GALNT17: variants seen among roughly 807,000 people sequenced by gnomAD.
The protein encoded by GALNT17 is UDP-GalNAc:polypeptide N-acetylgalactosaminyltransferase-like 3.
Under a neutral mutation model 63.7 loss-of-function variants are expected in GALNT17, and 29 were observed. That is an observed-to-expected ratio of 0.46 (90% CI 0.34 to 0.62). The LOEUF is 0.62. Among genes scored for constraint, GALNT17 ranks in the 20% least tolerant of loss-of-function variants. GALNT17 has a pLI of 0.01. For missense variants in GALNT17, 603 were observed against 799.6 expected (o/e 0.75, Z 2.97); for synonymous variants, 305 against 318.3 (o/e 0.96, Z 0.45).
intron 1 of GALNT17, among the ~76,000 whole-genome samples, chr7:71,273,040 T>C (rs1402913976): frequency 6.6e-6 from 1 of 151,950 alleles, no homozygotes; most frequent in Non-Finnish European, 1.5e-5. Flanking sequence ...GTAAAAACAC[T>C]CCTGTTATTA....
At chr7:71,413,918 A>G (rs1793477564) in intron 3 of GALNT17, among the ~76,000 whole-genome samples, 1 of 151,826 alleles carries the variant, frequency 6.6e-6, no homozygotes, top group South Asian at 2.1e-4. Flanking sequence ...AATGGTGTCT[A>G]CTGCTATACA....
At chr7:71,408,841 C>G (rs966338678) in intron 3 of GALNT17, among the ~76,000 whole-genome samples, 9 of 152,016 alleles carry the variant, frequency 5.9e-5, no homozygotes, top group Admixed American at 5.9e-4. Context: ...CCACTTCACT[C>G]CAGCCTGGGC....
chr7:71,670,120 C>G lies in GALNT17; in HGVS notation c.1404+11C>G, dbSNP rs769719468. Reference sequence around the variant, plus strand: ...GTTGCTTACGGGGAGGTAATTCAGACCGTGCATGCTTTTGGCTTGGAATGC... The same window carrying G: ...GTTGCTTACGGGGAGGTAATTCAGAGCGTGCATGCTTTTGGCTTGGAATGC... On this transcript the variant is annotated intron_variant, in intron 8 of 10. Transcript: ENST00000333538. 1 of 1,613,898 alleles carries G rather than the reference C, an allele frequency of 6.2e-7. No individual in the cohort carries two copies. The highest frequency in any genetic ancestry group is 8.5e-7 in the Non-Finnish European group (1 of 1,179,896).
chr7:71,531,591 C>T (rs1402639014), intron 5 of GALNT17, among the ~76,000 whole-genome samples: 1 of 152,106 alleles, frequency 6.6e-6, no homozygotes, highest in East Asian at 1.9e-4. Flanking sequence ...ATTTAAATCT[C>T]ACAAACTTTT....
intron 5 of GALNT17, among the ~76,000 whole-genome samples, chr7:71,465,519 T>A (rs1160452141): frequency 6.6e-6 from 1 of 152,208 alleles, no homozygotes; most frequent in Non-Finnish European, 1.5e-5. Context: ...TGTAATTTTC[T>A]ACATGCGTGT....
intron 5 of GALNT17, among the ~76,000 whole-genome samples, chr7:71,562,460 G>T (rs993837105): frequency 2.0e-5 from 3 of 152,190 alleles, no homozygotes; most frequent in African/African-American, 7.2e-5. Context: ...CCCTGAGCTT[G>T]TTCCTGCAAC....
intron 1 of GALNT17, among the ~76,000 whole-genome samples, chr7:71,245,056 C>T (rs1186294490): frequency 6.6e-6 from 1 of 152,160 alleles, no homozygotes; most frequent in African/African-American, 2.4e-5. Flanking sequence ...CACCTAGCCC[C>T]ACTCTAGGAC....
intron 1 of GALNT17, among the ~76,000 whole-genome samples, chr7:71,205,403 C>T (rs145691409): frequency 0.013 from 2,008 of 152,058 alleles, 41 homozygotes; most frequent in African/African-American, 0.046. Flanking sequence ...CCGCCTGCCT[C>T]GGCCTCCCAA....
At chr7:71,556,003 A>G (rs62459955) in intron 5 of GALNT17, among the ~76,000 whole-genome samples, 1 of 152,226 alleles carries the variant, frequency 6.6e-6, no homozygotes, top group African/African-American at 2.4e-5. Context: ...CAGCTCTGAC[A>G]GTCTTCCCCT....
intron 1 of GALNT17, among the ~76,000 whole-genome samples, chr7:71,256,777 C>T (rs934475931): frequency 2.6e-5 from 4 of 152,202 alleles, no homozygotes; most frequent in Non-Finnish European, 5.9e-5. Context: ...TGGGGCCGCT[C>T]TTTTTGCCAA....
intron 2 of GALNT17, among the ~76,000 whole-genome samples, chr7:71,348,447 T>C (rs1296750790): frequency 2.0e-5 from 3 of 152,216 alleles, no homozygotes; most frequent in African/African-American, 7.2e-5. Context: ...GATTCCCCTC[T>C]GTTTCTTTCT....
intron 9 of GALNT17, among the ~76,000 whole-genome samples, chr7:71,696,280 T>C (rs1273622360): frequency 9.7e-5 from 2 of 20,646 alleles, no homozygotes; most frequent in Non-Finnish European, 2.5e-4. Context: ...GCCCAGCTAG[T>C]TTATTTTATT....
chr7:71,304,637 C>CCGAT (rs1283553095), intron 1 of GALNT17, among the ~76,000 whole-genome samples: 12 of 152,168 alleles, frequency 7.9e-5, no homozygotes, highest in Non-Finnish European at 1.0e-4. Context: ...TCAAGGGGAT[C>CCGAT]CCTACAGTTC....
intron 5 of GALNT17, among the ~76,000 whole-genome samples, chr7:71,495,833 C>G (rs905231824): frequency 1.3e-5 from 2 of 152,168 alleles, no homozygotes; most frequent in South Asian, 2.1e-4. Flanking sequence ...GAAGAGAGGA[C>G]TCCAGGAGTA....
chr7:71,542,462 C>T (rs543858521), intron 5 of GALNT17, among the ~76,000 whole-genome samples: 18 of 151,890 alleles, frequency 1.2e-4, no homozygotes, highest in South Asian at 2.1e-4. Flanking sequence ...TTTGGGAGGC[C>T]GAGGCGGGCA....
At chr7:71,489,986 C>A (rs1787979187) in intron 5 of GALNT17, among the ~76,000 whole-genome samples, 1 of 151,854 alleles carries the variant, frequency 6.6e-6, no homozygotes, top group East Asian at 1.9e-4. Context: ...TGGTGAGACT[C>A]CATCTCTACT....
chr7:71,649,421 T>C (rs1219967997), intron 6 of GALNT17, among the ~76,000 whole-genome samples: 2 of 152,030 alleles, frequency 1.3e-5, no homozygotes, highest in Non-Finnish European at 2.9e-5. Flanking sequence ...CTCAAAAGGT[T>C]TGGGATGGAG....
intron 6 of GALNT17, among the ~76,000 whole-genome samples, chr7:71,572,106 G>C (rs1432820855): frequency 1.3e-5 from 2 of 151,830 alleles, no homozygotes; most frequent in Non-Finnish European, 2.9e-5. Context: ...ACAGATTTTG[G>C]TGGCTCACAC....
intron 1 of GALNT17, among the ~76,000 whole-genome samples, chr7:71,214,272 A>G (rs1159468375): frequency 6.6e-6 from 1 of 152,230 alleles, no homozygotes; most frequent in Non-Finnish European, 1.5e-5. Context: ...GCTGTTAAAT[A>G]ACAGCTTTTC....
Sources: gnomAD v4.1 joint callset for allele counts (sites outside exome capture counted in the v4.1 genomes callset) on GRCh38, gnomAD v4.1.1 for gene constraint, MANE v1.5 for transcripts, NCBI Gene and HGNC (gene_info 2026-07-23, HGNC 2026-07-21) for gene names.